PPARGC1B: variants seen among roughly 807,000 people sequenced by gnomAD.
The protein encoded by PPARGC1B is PPARG coactivator 1 beta, also known as peroxisome proliferator-activated receptor gamma coactivator 1-beta.
Under a neutral mutation model 101.6 loss-of-function variants are expected in PPARGC1B, and 34 were observed. The ratio of observed to expected loss-of-function variants is 0.33; its 90% CI spans 0.25 to 0.45. PPARGC1B has a LOEUF of 0.45. PPARGC1B is among the 20% of genes least tolerant of loss of function. The pLI is 1.00. For synonymous variants in PPARGC1B, 548 were observed against 539.3 expected, an observed-to-expected ratio of 1.02 and a Z score of -0.22; for missense variants, 1,234 against 1,317.6, an observed-to-expected ratio of 0.94 and a Z score of 0.98.
intron 1 of PPARGC1B, among the ~76,000 whole-genome samples, chr5:149,742,395 A>G (rs1016896741): frequency 3.9e-5 from 6 of 152,026 alleles, no homozygotes; most frequent in South Asian, 2.1e-4. Flanking sequence ...ACAGTCTGCT[A>G]CAGACACTTT....
intron 1 of PPARGC1B, among the ~76,000 whole-genome samples, chr5:149,769,227 C>T (rs1053534460): frequency 2.6e-5 from 4 of 152,184 alleles, no homozygotes; most frequent in Admixed American, 6.5e-5. Flanking sequence ...GGCAGTAATG[C>T]GTGCCATGGG....
chr5:149,856,978 G>A (rs555996950), downstream of PPARGC1B, among the ~76,000 whole-genome samples: 5 of 151,848 alleles, frequency 3.3e-5, no homozygotes, highest in South Asian at 2.1e-4. Context: ...CACCATGTTC[G>A]CCAGACTGGT....
intron 1 of PPARGC1B, among the ~76,000 whole-genome samples, chr5:149,776,808 A>G (rs1031038181): frequency 2.0e-5 from 3 of 152,208 alleles, no homozygotes; most frequent in Admixed American, 1.3e-4. Flanking sequence ...AGGATTGTGT[A>G]TGTGGTTCTC....
intron 3 of PPARGC1B, among the ~76,000 whole-genome samples, chr5:149,828,690 G>A (rs1758625052): frequency 6.6e-6 from 1 of 152,288 alleles, no homozygotes; most frequent in Admixed American, 6.5e-5. Flanking sequence ...TTCAGCCATT[G>A]TGCAAGGCAC....
At chr5:149,843,002 T>C (rs1759410228) in intron 10 of PPARGC1B, among the ~76,000 whole-genome samples, 2 of 152,176 alleles carry the variant, frequency 1.3e-5, no homozygotes, top group South Asian at 4.1e-4. Flanking sequence ...ACCCCGTCTC[T>C]ACTGAAAATT....
At chr5:149,731,341 A>G (rs765847970) in intron 1 of PPARGC1B, among the ~76,000 whole-genome samples, 1 of 151,454 alleles carries the variant, frequency 6.6e-6, no homozygotes, top group Non-Finnish European at 1.5e-5. Flanking sequence ...CGCGGCCCCC[A>G]CCCCTTCCCC....
Position 149,833,891 on chromosome 5 carries a change from A to T in PPARGC1B, c.1705+113A>T, listed in dbSNP as rs1758933878. The T allele has an allele frequency of 7.1e-7, 1 of 1,405,032 alleles. No individual in the cohort carries two copies. The highest frequency in any genetic ancestry group is 9.2e-7 in the Non-Finnish European group (1 of 1,082,850). The allele number at this position is 1,405,032 out of a possible 1,614,324, so 87.0% of individuals were successfully genotyped here. Reference sequence around the variant, plus strand: ...AGTCCCCGTCCCCCAACAAAGTGTTATATGGGTTTGGACAAGTCCCTTCCC... The same window carrying T: ...AGTCCCCGTCCCCCAACAAAGTGTTTTATGGGTTTGGACAAGTCCCTTCCC... On this transcript the variant is annotated intron_variant, in intron 5 of 11. Coordinates refer to ENST00000309241, the MANE Select transcript of PPARGC1B (RefSeq NM_133263.4). The surrounding 1 kb of genome is among the most constrained non-coding windows in gnomAD (Gnocchi z 4.1).
At position 149,836,696 on chromosome 5, in the gene PPARGC1B, C is replaced by T; in HGVS notation, c.2241C>T (p.Ala747=). The change falls in exon 8 of 12, where the codon GCC becomes GCT. Residue 747 remains alanine, a synonymous_variant. Transcript: ENST00000309241. The stretch of plus-strand genomic sequence containing the variant: ...AAGACAGAAGCTGTGATGCTGGCGC[C>T]CCACCCAAGGACAGCACGCTGCTGA... ...REEDRSCDAG[A]PPKDSTLLRD... 1.2e-6 allele frequency: 2 copies of T among 1,613,698 alleles called. No homozygotes were observed. Among genetic ancestry groups the T allele is most frequent in the East Asian group, 4.5e-5 (2 of 44,874 alleles).
At chr5:149,797,210 C>T (rs1757255627) in intron 1 of PPARGC1B, among the ~76,000 whole-genome samples, 1 of 152,156 alleles carries the variant, frequency 6.6e-6, no homozygotes, top group Non-Finnish European at 1.5e-5. Context: ...CTAGACCAGC[C>T]AGCCTTAAAG....
intron 1 of PPARGC1B, among the ~76,000 whole-genome samples, chr5:149,770,610 G>C (rs1400036523): frequency 5.3e-5 from 8 of 152,022 alleles, no homozygotes; most frequent in Non-Finnish European, 2.9e-5. Context: ...AAATCAGGAA[G>C]CCGAGGCAGG....
intron 2 of PPARGC1B, among the ~76,000 whole-genome samples, chr5:149,820,883 C>A (rs1435904414): frequency 5.3e-5 from 8 of 152,184 alleles, no homozygotes; most frequent in African/African-American, 1.9e-4. Flanking sequence ...CCTTCGTGTG[C>A]CACAGAGGTC....
intron 1 of PPARGC1B, among the ~76,000 whole-genome samples, chr5:149,786,414 TAGAGAC>T (rs1756811801): frequency 1.3e-5 from 2 of 152,234 alleles, no homozygotes; most frequent in South Asian, 4.2e-4. Flanking sequence ...GTATTTTTTA[TAGAGAC>T]AGAGTTTTGT....
At position 149,842,519 on chromosome 5, in the gene PPARGC1B, T is replaced by C. The variant is rs966853410; in HGVS notation, c.2816+142T>C. The C allele has an allele frequency of 2.6e-6, 3 of 1,170,060 alleles. No individual in the cohort carries two copies. In the African/African-American group the frequency reaches 4.6e-5, roughly 18 times the overall value. 72.5% of individuals were successfully genotyped at this position (1,170,060 alleles called of 1,614,324 possible). A position where few individuals can be genotyped will look rare whatever the true frequency, so the allele number is the denominator to read the frequency against. ...GCCTAGATGTGGAAAGCCAGGCCCA[T>C]GAGAAGGACCAGAAATGGTAATGCA... is the stretch of plus-strand genomic sequence containing the variant. On this transcript the variant is annotated intron_variant, in intron 10 of 11. Transcript: ENST00000309241.
At chr5:149,755,410 A>G (rs1000497058) in intron 1 of PPARGC1B, among the ~76,000 whole-genome samples, 9 of 150,914 alleles carry the variant, frequency 6.0e-5, no homozygotes, top group African/African-American at 1.9e-4. Context: ...TTAAGTGCCA[A>G]CTCTTTCATG....
intron 1 of PPARGC1B, among the ~76,000 whole-genome samples, chr5:149,749,233 T>C (rs755796538): frequency 2.0e-4 from 30 of 152,216 alleles, no homozygotes; most frequent in Non-Finnish European, 3.5e-4. Flanking sequence ...TTTACCGTTA[T>C]ACCTGTTAGT....
intron 3 of PPARGC1B, among the ~76,000 whole-genome samples, chr5:149,829,726 T>G (rs1246197835): frequency 6.6e-6 from 1 of 151,172 alleles, no homozygotes; most frequent in Admixed American, 6.6e-5. Context: ...AAGTGTAGTC[T>G]TCCACTTGTG....
chr5:149,792,541 C>T (rs542900359), intron 1 of PPARGC1B, among the ~76,000 whole-genome samples: 7 of 152,254 alleles, frequency 4.6e-5, no homozygotes, highest in African/African-American at 7.2e-5. Context: ...TTAGAGATGT[C>T]GGCACTAGGA....
intron 1 of PPARGC1B, among the ~76,000 whole-genome samples, chr5:149,756,496 A>G (rs919779862): frequency 3.3e-5 from 5 of 152,116 alleles, no homozygotes; most frequent in African/African-American, 1.2e-4. Context: ...CAAGCAAACA[A>G]ACAAAATTCA....
chr5:149,811,977 T>C (rs1485911165), intron 1 of PPARGC1B, among the ~76,000 whole-genome samples: 1 of 152,188 alleles, frequency 6.6e-6, no homozygotes, highest in Non-Finnish European at 1.5e-5. Context: ...GACTGGAAGA[T>C]CCACTCCCGC....
Sources: gnomAD v4.1 joint callset for allele counts (sites outside exome capture counted in the v4.1 genomes callset) on GRCh38, gnomAD v4.1.1 for gene constraint, Gnocchi (gnomAD v3.1) non-coding constraint, MANE v1.5 for transcripts, NCBI Gene and HGNC (gene_info 2026-07-23, HGNC 2026-07-21) for gene names.